The following KIAA1671 variants were observed in gnomAD, a reference collection of about 807,000 sequenced individuals.
KIAA1671 encodes KIAA1671, also known as uncharacterized protein KIAA1671.
KIAA1671 carries 52 observed loss-of-function variants against 131.2 expected under a neutral mutation model. That is an observed-to-expected ratio of 0.40 (90% confidence interval 0.32 to 0.50). The LOEUF is 0.50. Ranked by LOEUF, KIAA1671 falls within the 20% of genes least tolerant of loss-of-function variation. The pLI is 0.73. For synonymous variants in KIAA1671, 1,003 were observed against 961.6 expected (o/e 1.04, Z -0.80); for missense variants, 2,360 against 2,364.2 (o/e 1.00, Z 0.04).
At chr22:25,003,399 GATTTTTTTTTTTTT>G (rs1260046277) in intron 1 of KIAA1671, among the ~76,000 whole-genome samples, 1 of 128,516 alleles carries the variant, frequency 7.8e-6, no homozygotes, top group Non-Finnish European at 1.6e-5. Context: ...CACTTGGAGA[GATTTTTTTTTTTTT>G]TTTTTTTTTT....
At chr22:25,102,155 A>C (rs545970013) in intron 6 of KIAA1671, among the ~76,000 whole-genome samples, 1 of 152,316 alleles carries the variant, frequency 6.6e-6, no homozygotes, top group Admixed American at 6.5e-5. Flanking sequence ...GGGTAGAAAG[A>C]AGCTGGGAAA....
chr22:24,957,699 C>T lies in KIAA1671; in HGVS notation c.-208+4927C>T, dbSNP rs1375399010. On this transcript the variant is annotated intron_variant, in intron 1 of 12. Transcript: ENST00000358431. ...TTTTTTTTTTTTTTTTTTTTTGAGA[C>T]GGAGTTTTGCTCTTATTGCCCATGC... Among the ~76,000 whole-genome samples, 11 of 72,980 alleles carry T rather than the reference C, an allele frequency of 1.5e-4. No homozygotes were observed. In the East Asian group the frequency reaches 2.9e-3, roughly 19 times the overall value. The allele number at this position is 72,980 out of a possible 152,430, so 47.9% of individuals were successfully genotyped here.
At chr22:24,969,805 C>A (rs1018486847) in intron 1 of KIAA1671, among the ~76,000 whole-genome samples, 2 of 152,210 alleles carry the variant, frequency 1.3e-5, no homozygotes, top group African/African-American at 4.8e-5. Context: ...AGGGAGATCA[C>A]TACCCAGTAT....
chr22:25,129,811 G>T (rs903216450), intron 6 of KIAA1671, among the ~76,000 whole-genome samples: 2 of 152,096 alleles, frequency 1.3e-5, no homozygotes, highest in East Asian at 3.9e-4. Context: ...ATAGGTGCAG[G>T]TTACCATGCC....
At chr22:25,073,043 C>T (rs1160461723) in intron 6 of KIAA1671, among the ~76,000 whole-genome samples, 1 of 152,162 alleles carries the variant, frequency 6.6e-6, no homozygotes, top group Non-Finnish European at 1.5e-5. Context: ...TTCCCTTCTG[C>T]ATTCTTTGTC....
chr22:25,113,706 C>T (rs956303536), intron 6 of KIAA1671, among the ~76,000 whole-genome samples: 1 of 152,252 alleles, frequency 6.6e-6, no homozygotes, highest in Admixed American at 6.5e-5. Context: ...GTCTCGTTCA[C>T]AGGACGTCTC....
In KIAA1671 at chr22:25,040,835, G is replaced by C. The variant is rs1256386719; in HGVS notation, c.3705G>C (p.Glu1235Asp). The part of the protein sequence containing the change: ...PTVEPSTLPR[E>D]RPVQLGGVEQ... ...TGGAGCCCAGTACGTTGCCTCGGGA[G>C]AGGCCTGTTCAGCTGGGCGGGGTGG... The change falls in exon 5 of 13, where the codon GAG (glutamate) becomes GAC (aspartate). Residue 1235 changes from glutamate to aspartate, a missense_variant. Glu to Asp is a conservative substitution (Grantham distance 45). This residue lies in a region of KIAA1671 where 1,161 missense variants were observed against 1,204.7 expected (regional missense o/e 0.96). Transcript: ENST00000358431. 2 of 1,551,472 alleles carry C rather than the reference G, an allele frequency of 1.3e-6. No individual in the cohort carries two copies. Among genetic ancestry groups the C allele is most frequent in the Non-Finnish European group, 1.7e-6 (2 of 1,146,804 alleles).
chr22:25,123,150 G>T (rs978785429), intron 6 of KIAA1671, among the ~76,000 whole-genome samples: 7 of 146,076 alleles, frequency 4.8e-5, no homozygotes, highest in African/African-American at 1.6e-4. Context: ...GGGTTGGTCA[G>T]TGTGACCAAC....
At chr22:25,082,586 A>G (rs957043246) in intron 6 of KIAA1671, among the ~76,000 whole-genome samples, 3 of 152,214 alleles carry the variant, frequency 2.0e-5, no homozygotes, top group Admixed American at 2.0e-4. Context: ...TAATCTCAGA[A>G]CCTTGGGAGG....
chr22:24,996,070 A>G (rs1924118199), intron 1 of KIAA1671, among the ~76,000 whole-genome samples: 1 of 152,244 alleles, frequency 6.6e-6, no homozygotes, highest in African/African-American at 2.4e-5. Context: ...TGTTCATCTG[A>G]ATGCAGGAGA....
intron 1 of KIAA1671, among the ~76,000 whole-genome samples, chr22:24,998,046 A>G (rs1924235466): frequency 6.6e-6 from 1 of 152,202 alleles, no homozygotes; most frequent in Admixed American, 6.5e-5. Flanking sequence ...CAGTACAAAT[A>G]TTCTTGACTT....
intron 11 of KIAA1671, chr22:25,185,858 C>G (rs893518097): frequency 6.6e-6 from 1 of 152,164 alleles, no homozygotes; most frequent in African/African-American, 2.4e-5. Flanking sequence ...AAGAGTGTGT[C>G]TAAAGCCCTG....
In KIAA1671 at chr22:25,136,993, A is replaced by G. The variant is rs558806360; in HGVS notation, c.4531-33827A>G. Among the ~76,000 whole-genome samples the G allele has an allele frequency of 2.6e-5, 4 of 152,302 alleles. No homozygotes were observed. In the East Asian group the frequency reaches 7.7e-4, roughly 29 times the overall value. On this transcript the variant is annotated intron_variant, in intron 6 of 12. Transcript: ENST00000358431. ...GTAGAGGCTGGGCACTCTAGATGCA[A>G]ATACCTTTCAGCTCCGCAATCCTAT...
intron 6 of KIAA1671, among the ~76,000 whole-genome samples, chr22:25,149,635 T>C (rs1932970536): frequency 6.6e-6 from 1 of 152,056 alleles, no homozygotes; most frequent in African/African-American, 2.4e-5. Flanking sequence ...TGCATTTGCT[T>C]CTCTTTATCG....
intron 1 of KIAA1671, among the ~76,000 whole-genome samples, chr22:24,992,806 C>A (rs549213421): frequency 8.2e-4 from 66 of 80,364 alleles, no homozygotes; most frequent in Middle Eastern, 0.012. Flanking sequence ...CAGAGCGAGA[C>A]TCCGTCTCAA....
chr22:24,965,614 C>A (rs551447941), intron 1 of KIAA1671, among the ~76,000 whole-genome samples: 21 of 151,872 alleles, frequency 1.4e-4, no homozygotes, highest in African/African-American at 4.6e-4. Context: ...GGTGGCGACA[C>A]CTGTAATCCC....
rs1053488098 is a variant in KIAA1671 at position 25,040,737 on chromosome 22, G to A, written c.3607G>A (p.Ala1203Thr). Residue 1203 changes from alanine to threonine, a missense_variant, in exon 5 of 13, where the codon GCC (alanine) becomes ACC (threonine). Transcript: ENST00000358431. ...CAGATCCAGCGTTCTTGACATTGAC[G>A]CCCTGATGGCAGAGTACCAGGAGCT... ...GYRSSVLDID[A>T]LMAEYQELSL... is the part of the protein sequence containing the mutation. The A allele has an allele frequency of 5.2e-6, 8 of 1,551,782 alleles. No homozygotes were observed. The highest frequency in any genetic ancestry group is 2.7e-5 in the African/African-American group (2 of 73,046).
In KIAA1671 at chr22:25,123,190, G is replaced by GT. The variant is rs59051108; in HGVS notation, c.4531-47606dup. Among the ~76,000 whole-genome samples, 543 of 63,390 alleles carry GT rather than the reference G, an allele frequency of 8.6e-3. 2 individuals are homozygous for GT. Among genetic ancestry groups the GT allele is most frequent in the South Asian group, 0.015 (19 of 1,258 alleles). 41.6% of individuals were successfully genotyped at this position (63,390 alleles called of 152,430 possible). The stretch of plus-strand genomic sequence containing the variant: ...TACATGGCATCACTTCTGAGATGAG[G>GT]TTTTTTTTTTTTTTTTTTTTTTTTG... On this transcript the variant is annotated intron_variant, in intron 6 of 12. Transcript: ENST00000358431.
intron 1 of KIAA1671, among the ~76,000 whole-genome samples, chr22:25,020,720 C>T (rs1165447669): frequency 4.6e-5 from 7 of 152,160 alleles, no homozygotes; most frequent in African/African-American, 1.4e-4. Flanking sequence ...TTGAGATTAG[C>T]TAGGCAGTGA....
Sources: allele counts gnomAD v4.1 joint callset (sites outside exome capture counted in the v4.1 genomes callset), GRCh38; gene constraint gnomAD v4.1.1; regional missense constraint gnomAD v4.1.1; transcripts MANE v1.5; gene names NCBI Gene and HGNC (gene_info 2026-07-23, HGNC 2026-07-21).